Variants in LTBP1 observed in about 807,000 individuals in gnomAD.
LTBP1 encodes the protein latent-transforming growth factor beta-binding protein 1.
Under a neutral mutation model 207.6 loss-of-function variants are expected in LTBP1, and 129 were observed. The observed-to-expected ratio is 0.62, with a 90% CI of 0.54 to 0.72. The LOEUF is 0.72. Ranked by LOEUF, LTBP1 falls within the 30% of genes least tolerant of loss-of-function variation. LTBP1 has a pLI of 0.00. For synonymous variants in LTBP1, 963 were observed against 833.7 expected (o/e 1.16, Z -2.67); for missense variants, 2,281 against 2,217.2 (o/e 1.03, Z -0.58).
intron 7 of LTBP1, among the ~76,000 whole-genome samples, chr2:33,195,542 C>T (rs2088449155): frequency 6.6e-6 from 1 of 152,168 alleles, no homozygotes; most frequent in African/African-American, 2.4e-5. Flanking sequence ...TATGACCAAA[C>T]TGCTGCAATC....
chr2:33,383,871 C>T (rs1164108892), intron 31 of LTBP1, among the ~76,000 whole-genome samples: 1 of 152,196 alleles, frequency 6.6e-6, no homozygotes, highest in Non-Finnish European at 1.5e-5. Context: ...AAAATTGGTC[C>T]TTGTTTCTCT....
At chr2:33,017,435 G>A (rs942302250) in intron 2 of LTBP1, among the ~76,000 whole-genome samples, 2 of 152,196 alleles carry the variant, frequency 1.3e-5, no homozygotes, top group African/African-American at 4.8e-5. Context: ...GATTTAGCAG[G>A]CTTGGGGTAG....
chr2:33,383,042 T>C (rs554107636), intron 31 of LTBP1, among the ~76,000 whole-genome samples: 101 of 152,286 alleles, frequency 6.6e-4, no homozygotes, highest in African/African-American at 2.3e-3. Context: ...TTCATAACTT[T>C]TACTAATTTC....
At chr2:33,276,253 G>C (rs870858) in intron 18 of LTBP1, among the ~76,000 whole-genome samples, 35,197 of 152,126 alleles carry the variant, frequency 0.23, 5,188 homozygotes, top group Non-Finnish European at 0.32. Context: ...GGAACATGCT[G>C]CAGGTGTAAC....
intron 5 of LTBP1, among the ~76,000 whole-genome samples, chr2:33,141,970 C>T (rs1477052442): frequency 6.6e-6 from 1 of 152,130 alleles, no homozygotes; most frequent in East Asian, 1.9e-4. Context: ...TCCTGGAATT[C>T]TTGCAGGAGT....
intron 3 of LTBP1, among the ~76,000 whole-genome samples, chr2:33,026,468 C>T (rs1348772174): frequency 1.3e-5 from 2 of 152,116 alleles, no homozygotes; most frequent in Non-Finnish European, 2.9e-5. Flanking sequence ...TGGATTGTTT[C>T]ACGAATGCTT....
At chr2:33,094,896 C>G (rs922706909) in intron 3 of LTBP1, among the ~76,000 whole-genome samples, 3 of 152,182 alleles carry the variant, frequency 2.0e-5, no homozygotes, top group African/African-American at 7.2e-5. Flanking sequence ...TATTTCTCCT[C>G]ACTTTAAAAA....
At chr2:33,323,808 G>A (rs960337107) in intron 24 of LTBP1, among the ~76,000 whole-genome samples, 16 of 152,186 alleles carry the variant, frequency 1.1e-4, no homozygotes, top group Non-Finnish European at 2.2e-4. Context: ...TGAATGTGAT[G>A]TACACTTCTG....
intron 5 of LTBP1, among the ~76,000 whole-genome samples, chr2:33,152,342 A>C (rs1198073780): frequency 6.6e-6 from 1 of 152,204 alleles, no homozygotes; most frequent in East Asian, 1.9e-4. Flanking sequence ...TGATCAGGGA[A>C]ATGCAAATCA....
At chr2:33,220,043 G>GA (rs955518113) in intron 8 of LTBP1, among the ~76,000 whole-genome samples, 1 of 152,066 alleles carries the variant, frequency 6.6e-6, no homozygotes, top group Non-Finnish European at 1.5e-5. Flanking sequence ...AAATGTTGGT[G>GA]AAAAAAATCC....
At chr2:33,229,953 G>A (rs928361694) in intron 9 of LTBP1, among the ~76,000 whole-genome samples, 1 of 152,212 alleles carries the variant, frequency 6.6e-6, no homozygotes, top group Non-Finnish European at 1.5e-5. Flanking sequence ...CTCATAATAT[G>A]ATTTCATTCA....
chr2:33,226,684 C>T (rs778839600), intron 9 of LTBP1, among the ~76,000 whole-genome samples: 23 of 152,170 alleles, frequency 1.5e-4, no homozygotes, highest in Non-Finnish European at 2.9e-4. Flanking sequence ...CTTGGAACCA[C>T]GTAAGATAAC....
chr2:33,192,770 T>G (rs1052251437), intron 7 of LTBP1, among the ~76,000 whole-genome samples: 1 of 152,164 alleles, frequency 6.6e-6, no homozygotes, highest in Non-Finnish European at 1.5e-5. Flanking sequence ...TCTCACTGTT[T>G]TAGAGGCTGT....
chr2:33,095,565 T>C (rs1026479489), intron 3 of LTBP1, among the ~76,000 whole-genome samples: 5 of 151,864 alleles, frequency 3.3e-5, no homozygotes, highest in African/African-American at 1.2e-4. Flanking sequence ...ATAATAACCA[T>C]GAGAAGAAGA....
chr2:33,082,431 ACTTTTTTTTTTTTT>A (rs1181406926), intron 3 of LTBP1, among the ~76,000 whole-genome samples: 6 of 116,038 alleles, frequency 5.2e-5, no homozygotes, highest in East Asian at 2.8e-4. Context: ...AGTATGACTC[ACTTTTTTTTTTTTT>A]TTTTTTTTTT....
chr2:33,134,965 G>C lies in LTBP1; in HGVS notation c.1201+5G>C. 1 of 1,605,582 alleles carries C rather than the reference G, an allele frequency of 6.2e-7. No individual in the cohort carries two copies. The highest frequency in any genetic ancestry group is 1.1e-5 in the South Asian group (1 of 89,648). ...CGGCCACGAACTTCCGAGTGGGTGA[G>C]TTCCTCCACGGTCCCTAACTGTCCT... On this transcript the variant is annotated splice_donor_5th_base_variant and intron_variant, in intron 5 of 33. Coordinates refer to ENST00000404816, the MANE Select transcript of LTBP1 (RefSeq NM_206943.4). This position sits in a 1 kb window ranked among gnomAD's most constrained non-coding sequence, Gnocchi z 4.4.
intron 5 of LTBP1, among the ~76,000 whole-genome samples, chr2:33,144,055 A>C (rs1047877068): frequency 6.6e-6 from 1 of 151,880 alleles, no homozygotes; most frequent in African/African-American, 2.4e-5. Flanking sequence ...CTTTCTGAAG[A>C]TGACAAGTCC....
intron 3 of LTBP1, among the ~76,000 whole-genome samples, chr2:33,099,304 T>A (rs2079573698): frequency 6.6e-6 from 1 of 152,074 alleles, no homozygotes; most frequent in African/African-American, 2.4e-5. Context: ...AAAAACAGAG[T>A]TTCTTGCATT....
At chr2:33,175,314 A>G (rs1234214821) in intron 5 of LTBP1, among the ~76,000 whole-genome samples, 1 of 152,070 alleles carries the variant, frequency 6.6e-6, no homozygotes, top group Non-Finnish European at 1.5e-5. Flanking sequence ...TTTACAAGAA[A>G]AAAACAACCC....
Sources: allele counts gnomAD v4.1 joint callset (sites outside exome capture counted in the v4.1 genomes callset), GRCh38; gene constraint gnomAD v4.1.1; non-coding constraint Gnocchi (gnomAD v3.1); transcripts MANE v1.5; gene names NCBI Gene and HGNC (gene_info 2026-07-23, HGNC 2026-07-21).